Variants in CFTR observed in about 807,000 individuals in gnomAD.
CFTR encodes the protein cystic fibrosis transmembrane conductance regulator.
A neutral mutation model predicts 171.6 loss-of-function variants in CFTR; 181 were observed. The ratio of observed to expected loss-of-function variants is 1.05; its 90% CI spans 0.93 to 1.19. CFTR has a LOEUF of 1.19. Ranked by LOEUF, CFTR falls within the 50% of genes most tolerant of loss-of-function variation. The pLI, the probability that CFTR is intolerant of heterozygous loss-of-function variation, is 0.00. For missense variants in CFTR, 1,968 were observed against 1,734.7 expected (o/e 1.13, Z -2.39); for synonymous variants, 583 against 608.0 (o/e 0.96, Z 0.60).
In CFTR at chr7:117,530,899, G is replaced by A. The variant is rs121908751; in HGVS notation, c.274G>A (p.Glu92Lys). 1.3e-6 allele frequency: 2 copies of A among 1,599,224 alleles called. No homozygotes were observed. The highest frequency in any genetic ancestry group is 1.7e-6 in the Non-Finnish European group (2 of 1,167,220). The change falls in exon 4 of 27, where the codon GAA becomes AAA. Residue 92 changes from glutamate (E) to lysine (K), a missense_variant and splice_region_variant. Coordinates refer to ENST00000003084, the MANE Select transcript of CFTR (RefSeq NM_000492.4). ...MFYGIFLYLG[E>K]VTKAVQPLLL... ...TTTCTCTGTTTTTCCCCTTTTGTAG[G>A]AAGTCACCAAAGCAGTACAGCCTCT...
chr7:117,542,656 C>A (rs1176062245), intron 9 of CFTR, among the ~76,000 whole-genome samples: 2 of 152,096 alleles, frequency 1.3e-5, no homozygotes, highest in Non-Finnish European at 2.9e-5. Context: ...CATAACAGAT[C>A]AGGAAATAAT....
chr7:117,495,617 A>G (rs1798224621), intron 1 of CFTR, among the ~76,000 whole-genome samples: 1 of 152,162 alleles, frequency 6.6e-6, no homozygotes, highest in Non-Finnish European at 1.5e-5. Context: ...AGGACAGAAA[A>G]CAAACAATTT....
chr7:117,665,610 C>A, intron 26 of CFTR, 46 bp downstream of exon 26: 2 of 1,164,016 alleles, frequency 1.7e-6, no homozygotes, highest in East Asian at 2.3e-5. Context: ...CCTTGTAATT[C>A]TTGATAACAA....
At chr7:117,515,199 G>T (rs1798579392) in intron 3 of CFTR, among the ~76,000 whole-genome samples, 1 of 152,036 alleles carries the variant, frequency 6.6e-6, no homozygotes, top group African/African-American at 2.4e-5. Flanking sequence ...AATTGCTTTT[G>T]GCATTTTCCT....
chr7:117,542,279 G>A (rs900412109), intron 9 of CFTR, among the ~76,000 whole-genome samples, 171 bp downstream of exon 9: 6 of 152,224 alleles, frequency 3.9e-5, no homozygotes, highest in Non-Finnish European at 7.3e-5. Flanking sequence ...ATGGCCAGGT[G>A]CTCATGGTTG....
chr7:117,560,032 T>C (rs2115940338), intron 11 of CFTR, among the ~76,000 whole-genome samples: 1 of 152,140 alleles, frequency 6.6e-6, no homozygotes, highest in Admixed American at 6.6e-5. Flanking sequence ...TTTAAAAATA[T>C]ACTCCAAAAA....
intron 14 of CFTR, among the ~76,000 whole-genome samples, chr7:117,592,955 A>C (rs1792058849): frequency 6.6e-6 from 1 of 152,236 alleles, no homozygotes; most frequent in Non-Finnish European, 1.5e-5. Flanking sequence ...CTTTATTACC[A>C]TCTTGAACCC....
chr7:117,493,636 A>G (rs2116621786), intron 1 of CFTR, among the ~76,000 whole-genome samples: 2 of 152,224 alleles, frequency 1.3e-5, no homozygotes, highest in South Asian at 4.1e-4. Context: ...CTCAAACTCA[A>G]GAACAGGATG....
At chr7:117,552,859 T>C (rs995686086) in intron 10 of CFTR, among the ~76,000 whole-genome samples, 7 of 152,208 alleles carry the variant, frequency 4.6e-5, no homozygotes, top group African/African-American at 1.4e-4. Context: ...CTGCTGAATA[T>C]TTCTGTCTCT....
intron 23 of CFTR, among the ~76,000 whole-genome samples, chr7:117,644,451 C>T (rs546619749): frequency 3.0e-4 from 46 of 151,684 alleles, no homozygotes; most frequent in Non-Finnish European, 5.4e-4. Context: ...ATTAAAAATC[C>T]AAAGAAAATT....
Position 117,486,337 on chromosome 7 carries a change from C to T in CFTR, c.53+6190C>T, listed in dbSNP as rs191602048. Among the ~76,000 whole-genome samples, 223 of 152,156 alleles carry T rather than the reference C, an allele frequency of 1.5e-3. 2 individuals carry two copies. The highest frequency in any genetic ancestry group is 6.8e-3 in the Middle Eastern group (2 of 294). On this transcript the variant is annotated intron_variant, in intron 1 of 26. Coordinates refer to ENST00000003084, the MANE Select transcript of CFTR (RefSeq NM_000492.4). Reference sequence around the variant, plus strand: ...TTCATATTCTGTATTCTATGTGAGACGTTAAGAAGGTAGAGGTGGCCAAGA... The same window carrying T: ...TTCATATTCTGTATTCTATGTGAGATGTTAAGAAGGTAGAGGTGGCCAAGA...
In CFTR at chr7:117,591,918, T is replaced by C. The variant is rs200170245; in HGVS notation, c.1767-16T>C. Reference sequence around the variant, plus strand: ...TATTTATAAAATTGATATTTATATGTTTTTATATCTTAAAGCTGTGTCTGT... The same window carrying C: ...TATTTATAAAATTGATATTTATATGCTTTTATATCTTAAAGCTGTGTCTGT... On this transcript the variant is annotated splice_polypyrimidine_tract_variant and intron_variant, in intron 13 of 26. Coordinates refer to ENST00000003084, the MANE Select transcript of CFTR (RefSeq NM_000492.4). The C allele has an allele frequency of 6.6e-6, 10 of 1,509,334 alleles. No homozygotes were observed. The East Asian group carries it at 2.3e-4, about 34-fold the overall frequency. 93.5% of individuals were successfully genotyped at this position (1,509,334 alleles called of 1,614,324 possible).
chr7:117,594,820 C>T, intron 14 of CFTR, 110 bp from the exon 15 acceptor site: 1 of 973,042 alleles, frequency 1.0e-6, no homozygotes, highest in Non-Finnish European at 1.6e-6. Context: ...TTAAAATACA[C>T]TTAGATTCAA....
At chr7:117,638,690 C>T (rs1482774779) in intron 22 of CFTR, among the ~76,000 whole-genome samples, 3 of 151,244 alleles carry the variant, frequency 2.0e-5, no homozygotes, top group Non-Finnish European at 2.9e-5. Context: ...GAGCTGAGAT[C>T]GCGCCACTGC....
At chr7:117,563,451 A>C (rs1342639611) in intron 11 of CFTR, among the ~76,000 whole-genome samples, 1 of 152,166 alleles carries the variant, frequency 6.6e-6, no homozygotes, top group Non-Finnish European at 1.5e-5. Context: ...TACTGTTTGC[A>C]TCCATCAGAC....
chr7:117,561,632 C>T (rs918325448), intron 11 of CFTR, among the ~76,000 whole-genome samples: 1 of 152,050 alleles, frequency 6.6e-6, no homozygotes, highest in Non-Finnish European at 1.5e-5. Flanking sequence ...CATCATTCAG[C>T]AAATATTTAT....
At chr7:117,526,334 A>G (rs1798779346) in intron 3 of CFTR, among the ~76,000 whole-genome samples, 1 of 128,672 alleles carries the variant, frequency 7.8e-6, no homozygotes, top group Non-Finnish European at 1.6e-5. Context: ...GACACCACAT[A>G]CCAGAATCTC....
intron 1 of CFTR, among the ~76,000 whole-genome samples, chr7:117,484,037 AT>A (rs1299357013): frequency 3.3e-5 from 5 of 152,208 alleles, no homozygotes; most frequent in Admixed American, 2.6e-4. Context: ...CATCATGATG[AT>A]TTTGTATTTA....
At position 117,594,980 on chromosome 7, in the gene CFTR, C is replaced by A; in HGVS notation, c.2541C>A (p.Asn847Lys). ...MESIPAVTTW[N>K]TYLRYITVHK... Reference sequence around the variant, plus strand: ...GCATACCAGCAGTGACTACATGGAACACATACCTTCGATATATTACTGTCC... The same window carrying A: ...GCATACCAGCAGTGACTACATGGAAAACATACCTTCGATATATTACTGTCC... The change falls in exon 15 of 27, where the codon AAC (asparagine) becomes AAA (lysine). Residue 847 changes from asparagine to lysine, a missense_variant. Physicochemically the swap from Asn to Lys is moderately conservative, Grantham distance 94. Coordinates refer to ENST00000003084, the MANE Select transcript of CFTR (RefSeq NM_000492.4). The A allele has an allele frequency of 6.2e-7, 1 of 1,612,694 alleles. No individual in the cohort carries two copies. Among genetic ancestry groups the A allele is most frequent in the East Asian group, 2.2e-5 (1 of 44,704 alleles).
Sources: allele counts gnomAD v4.1 joint callset (sites outside exome capture counted in the v4.1 genomes callset), GRCh38; gene constraint gnomAD v4.1.1; transcripts MANE v1.5; gene names NCBI Gene and HGNC (gene_info 2026-07-23, HGNC 2026-07-21).